The following FGF14 variants were observed in gnomAD, a reference collection of about 807,000 sequenced individuals.
The protein encoded by FGF14 is fibroblast growth factor 14, also known as fibroblast growth factor homologous factor 4.
A neutral mutation model predicts 25.5 loss-of-function variants in FGF14; 5 were observed. That is an observed-to-expected ratio of 0.20 (90% CI 0.10 to 0.41). The LOEUF is 0.41. Among genes scored for constraint, FGF14 ranks in the 10% least tolerant of loss-of-function variants. The pLI is 1.00. For synonymous variants in FGF14, 138 were observed against 118.3 expected, an observed-to-expected ratio of 1.17 and a Z score of -1.08; for missense variants, 222 against 320.1, an observed-to-expected ratio of 0.69 and a Z score of 2.34.
At chr13:101,914,247 C>T (rs528421565) in intron 1 of FGF14, among the ~76,000 whole-genome samples, 2 of 150,630 alleles carry the variant, frequency 1.3e-5, no homozygotes, top group Non-Finnish European at 3.0e-5. Context: ...TATTATATGT[C>T]GATATATAAT....
chr13:102,282,605 T>C (rs1277648877), intron 1 of FGF14, among the ~76,000 whole-genome samples: 1 of 152,190 alleles, frequency 6.6e-6, no homozygotes, highest in Non-Finnish European at 1.5e-5. Context: ...GCTAAGCCAC[T>C]AAGAGCTTTC....
chr13:102,318,640 C>A (rs2056125919), intron 1 of FGF14, among the ~76,000 whole-genome samples: 1 of 152,104 alleles, frequency 6.6e-6, no homozygotes, highest in African/African-American at 2.4e-5. Context: ...TATAAATTTC[C>A]CCTTTGTGTA....
At chr13:101,965,141 C>T (rs556941705) in intron 1 of FGF14, among the ~76,000 whole-genome samples, 98 of 151,786 alleles carry the variant, frequency 6.5e-4, no homozygotes, top group African/African-American at 2.2e-3. Context: ...CCCAGCTACT[C>T]GAGGGGCTGA....
chr13:102,054,608 CTT>C (rs1220323587), intron 1 of FGF14, among the ~76,000 whole-genome samples: 1 of 152,148 alleles, frequency 6.6e-6, no homozygotes, highest in Non-Finnish European at 1.5e-5. Context: ...TTCTCAGACT[CTT>C]TGTGGCATCA....
intron 1 of FGF14, among the ~76,000 whole-genome samples, chr13:102,236,995 C>T (rs140658132): frequency 3.3e-5 from 5 of 152,194 alleles, no homozygotes; most frequent in Admixed American, 2.0e-4. Context: ...CAGAGGGGGC[C>T]GCACTAGGTC....
At chr13:101,783,410 C>A (rs1166796757) in intron 3 of FGF14, among the ~76,000 whole-genome samples, 1 of 150,674 alleles carries the variant, frequency 6.6e-6, no homozygotes, top group African/African-American at 2.4e-5. Context: ...GCGGAGATTG[C>A]AGTGAGCTGA....
At chr13:101,791,629 A>C (rs1331715118) in intron 3 of FGF14, among the ~76,000 whole-genome samples, 1 of 152,138 alleles carries the variant, frequency 6.6e-6, no homozygotes, top group Non-Finnish European at 1.5e-5. Context: ...GCAACTGCTA[A>C]GGCACAGCAG....
chr13:101,900,806 A>G (rs2138981734), intron 1 of FGF14, among the ~76,000 whole-genome samples: 1 of 152,264 alleles, frequency 6.6e-6, no homozygotes, highest in Admixed American at 6.5e-5. Flanking sequence ...TGATTTGTGG[A>G]CTTCTTTTAA....
chr13:102,120,743 G>A (rs1218600227), intron 1 of FGF14, among the ~76,000 whole-genome samples: 1 of 142,004 alleles, frequency 7.0e-6, no homozygotes, highest in East Asian at 2.1e-4. Flanking sequence ...TCCTTTTGCC[G>A]CCCAGGCTGG....
chr13:102,378,166 A>C (rs780303490), intron 1 of FGF14, among the ~76,000 whole-genome samples: 10 of 152,172 alleles, frequency 6.6e-5, no homozygotes, highest in Non-Finnish European at 1.2e-4. Flanking sequence ...GGAGCACACA[A>C]CACCAGGAGT....
Position 102,264,804 on chromosome 13 carries a change from G to A in FGF14, c.208+136667C>T, listed in dbSNP as rs181910530. On this transcript the variant is annotated intron_variant, in intron 1 of 4. Transcript: ENST00000376131. Reference sequence around the variant, plus strand: ...GGGACACAGCTGGTACACAGTGACTGTCAGGAGGAGGGTATTAGGACAAAA... The same window carrying A: ...GGGACACAGCTGGTACACAGTGACTATCAGGAGGAGGGTATTAGGACAAAA... Among the ~76,000 whole-genome samples the A allele has an allele frequency of 8.3e-4, 126 of 152,250 alleles. 2 individuals are homozygous for A. In the East Asian group the frequency reaches 0.02, roughly 24 times the overall value.
At chr13:101,999,237 A>T (rs1246950721) in intron 1 of FGF14, among the ~76,000 whole-genome samples, 1 of 152,242 alleles carries the variant, frequency 6.6e-6, no homozygotes. Flanking sequence ...AGTGATAAGA[A>T]ACACTGAAAG....
At position 102,058,986 on chromosome 13, in the gene FGF14, T is replaced by G. The variant is rs116474463; in HGVS notation, c.209-183690A>C. Among the ~76,000 whole-genome samples, 73 of 151,790 alleles carry G rather than the reference T, an allele frequency of 4.8e-4. 1 individual carries two copies. Among genetic ancestry groups the G allele is most frequent in the African/African-American group, 1.6e-3 (68 of 41,376 alleles). ...ATAGAGATTTATGAAAAAAGATGAC[T>G]ATGTGGTCACAAGTATATAGCTCCA... On this transcript the variant is annotated intron_variant, in intron 1 of 4. Transcript: ENST00000376131.
intron 1 of FGF14, among the ~76,000 whole-genome samples, chr13:102,031,680 G>C (rs2041217606): frequency 6.9e-6 from 1 of 145,902 alleles, no homozygotes; most frequent in African/African-American, 2.6e-5. Flanking sequence ...AAAAAAAAAA[G>C]CATAACAATA....
At chr13:102,175,291 C>T (rs1205288360) in intron 1 of FGF14, among the ~76,000 whole-genome samples, 1 of 152,042 alleles carries the variant, frequency 6.6e-6, no homozygotes, top group Non-Finnish European at 1.5e-5. Flanking sequence ...ACAAAGCCAC[C>T]TACCTACAGC....
chr13:102,166,540 T>C (rs868050534), intron 1 of FGF14, among the ~76,000 whole-genome samples: 1 of 152,108 alleles, frequency 6.6e-6, no homozygotes, highest in Non-Finnish European at 1.5e-5. Context: ...GTTCATTTAG[T>C]GCCATATTTT....
At chr13:102,255,426 T>C (rs1038084918) in intron 1 of FGF14, among the ~76,000 whole-genome samples, 2 of 151,350 alleles carry the variant, frequency 1.3e-5, no homozygotes, top group Non-Finnish European at 2.9e-5. Flanking sequence ...TATCACACAA[T>C]AAAGAAAAAA....
chr13:102,325,582 G>A (rs1004695901), intron 1 of FGF14, among the ~76,000 whole-genome samples: 39 of 152,092 alleles, frequency 2.6e-4, no homozygotes, highest in Middle Eastern at 3.2e-3. Context: ...TCATGGGTAA[G>A]GCCCTTCCTT....
intron 1 of FGF14, among the ~76,000 whole-genome samples, chr13:102,250,557 G>T (rs1159287810): frequency 6.6e-6 from 1 of 152,136 alleles, no homozygotes; most frequent in South Asian, 2.1e-4. Context: ...ACATAAGTGT[G>T]ACTGGCATTG....
Sources: gnomAD v4.1 joint callset for allele counts (sites outside exome capture counted in the v4.1 genomes callset) on GRCh38, gnomAD v4.1.1 for gene constraint, MANE v1.5 for transcripts, NCBI Gene and HGNC (gene_info 2026-07-23, HGNC 2026-07-21) for gene names.